LIPI: variants seen among roughly 807,000 people sequenced by gnomAD.
The protein encoded by LIPI is lipase member I.
Under a neutral mutation model 50.6 loss-of-function variants are expected in LIPI, and 59 were observed. The ratio of observed to expected loss-of-function variants is 1.16; its 90% CI spans 0.94 to 1.45. LIPI has a LOEUF of 1.45. Ranked by LOEUF, LIPI falls within the 40% of genes most tolerant of loss-of-function variation. The pLI is 0.00. For missense variants in LIPI, 586 were observed against 536.3 expected (o/e 1.09, Z -0.92); for synonymous variants, 203 against 178.2 (o/e 1.14, Z -1.11).
At chr21:14,125,747 A>G (rs938982601) in intron 9 of LIPI, among the ~76,000 whole-genome samples, 4 of 152,060 alleles carry the variant, frequency 2.6e-5, no homozygotes, top group African/African-American at 4.8e-5. Context: ...TTTAGTAGAG[A>G]CAGGTCTTCA....
intron 8 of LIPI, among the ~76,000 whole-genome samples, chr21:14,150,930 G>A (rs573807548): frequency 2.1e-4 from 32 of 152,244 alleles, no homozygotes; most frequent in Admixed American, 9.2e-4. Flanking sequence ...AGTTCTATAC[G>A]ACTGTTAAAT....
chr21:14,110,810 T>G (rs976128334), intron 9 of LIPI, among the ~76,000 whole-genome samples: 63 of 151,598 alleles, frequency 4.2e-4, no homozygotes, highest in African/African-American at 1.5e-3. Flanking sequence ...TGATGGGATT[T>G]CCTTCTTTAT....
intron 1 of LIPI, among the ~76,000 whole-genome samples, chr21:14,196,383 AAAG>A (rs1262158127): frequency 6.6e-6 from 1 of 152,182 alleles, no homozygotes; most frequent in Admixed American, 6.6e-5. Flanking sequence ...CTAGCGTCAT[AAAG>A]AAGGTCTGGG....
intron 9 of LIPI, among the ~76,000 whole-genome samples, chr21:14,110,529 G>T (rs61422874): frequency 6.6e-6 from 1 of 151,876 alleles, no homozygotes; most frequent in East Asian, 1.9e-4. Context: ...ATAATATTTT[G>T]TTATTAACTG....
At chr21:14,203,585 C>CA (rs1045659599) in intron 1 of LIPI, among the ~76,000 whole-genome samples, 193 of 151,906 alleles carry the variant, frequency 1.3e-3, no homozygotes, top group African/African-American at 4.4e-3. Flanking sequence ...ATCACAAGGA[C>CA]AAAAAACCAA....
chr21:14,152,519 T>C (rs1287916393), intron 8 of LIPI, 54 bp downstream of exon 8: 5 of 863,448 alleles, frequency 5.8e-6, no homozygotes, highest in African/African-American at 1.7e-5. Flanking sequence ...GATGGGATAC[T>C]GAAGAAAGCA....
intron 3 of LIPI, 132 bp downstream of exon 3, chr21:14,185,829 G>A (rs1032276207): frequency 3.2e-5 from 19 of 600,842 alleles, no homozygotes; most frequent in African/African-American, 2.6e-4. Context: ...GTTGCAGTGA[G>A]CCGAGATCGC....
In LIPI at chr21:14,173,152, G is replaced by A. The variant is rs548961632; in HGVS notation, c.644-6701C>T. 8.5e-5 allele frequency among the ~76,000 whole-genome samples: 13 copies of A among 152,310 alleles called. 1 individual carries two copies. The South Asian group carries it at 2.7e-3, about 32-fold the overall frequency. ...CGGTGACCCCAGTGGATATTTGTGC[G>A]AATACGCTCGGCGAAGAAGCCAGCG... On this transcript the variant is annotated intron_variant, in intron 4 of 9. Transcript: ENST00000681601.
chr21:14,203,341 C>A (rs1188205045), intron 1 of LIPI, among the ~76,000 whole-genome samples: 1 of 152,090 alleles, frequency 6.6e-6, no homozygotes, highest in Non-Finnish European at 1.5e-5. Context: ...TGGGTATATA[C>A]CCAAAGGATT....
At chr21:14,111,222 CT>C (rs2016399534) in intron 9 of LIPI, among the ~76,000 whole-genome samples, 1 of 151,922 alleles carries the variant, frequency 6.6e-6, no homozygotes, top group Non-Finnish European at 1.5e-5. Flanking sequence ...CAACCATTCC[CT>C]TTTTTCCATG....
intron 9 of LIPI, chr21:14,144,076 G>A (rs1418394056): frequency 6.5e-6 from 1 of 154,086 alleles, no homozygotes; most frequent in Admixed American, 6.5e-5. Flanking sequence ...CCTCACTCCT[G>A]TCAGCATATT....
chr21:14,196,842 A>AAC (rs2019880285), intron 1 of LIPI, among the ~76,000 whole-genome samples: 1 of 152,080 alleles, frequency 6.6e-6, no homozygotes, highest in Admixed American at 6.6e-5. Flanking sequence ...AACAACAAAA[A>AAC]ATAATCAAAG....
chr21:14,180,006 G>C (rs2019218183), intron 4 of LIPI, among the ~76,000 whole-genome samples: 1 of 152,138 alleles, frequency 6.6e-6, no homozygotes, highest in African/African-American at 2.4e-5. Context: ...TCTTTTCCTA[G>C]CGAGGAATAT....
chr21:14,197,413 T>C (rs995266141), intron 1 of LIPI, among the ~76,000 whole-genome samples: 1 of 152,066 alleles, frequency 6.6e-6, no homozygotes, highest in Non-Finnish European at 1.5e-5. Flanking sequence ...ATAGCCAGTA[T>C]AGAGGATAAT....
At chr21:14,163,369 G>T (rs751518722) in intron 7 of LIPI, 50 bp downstream of exon 7, 2 of 876,048 alleles carry the variant, frequency 2.3e-6, no homozygotes, top group Non-Finnish European at 1.9e-6. Flanking sequence ...GTAGATTAGT[G>T]CAAAAAAAAC....
At chr21:14,171,569 A>T (rs1057122203) in intron 4 of LIPI, among the ~76,000 whole-genome samples, 3 of 150,618 alleles carry the variant, frequency 2.0e-5, no homozygotes, top group Non-Finnish European at 4.4e-5. Flanking sequence ...CCGCATATCT[A>T]CAACTATCTG....
chr21:14,189,254 T>C lies in LIPI; in HGVS notation c.212A>G (p.Asn71Ser). 1.9e-6 allele frequency: 3 copies of C among 1,614,082 alleles called. No homozygotes were observed. The highest frequency in any genetic ancestry group is 2.5e-6 in the Non-Finnish European group (3 of 1,179,920). ...EQNNSLNVNF[N>S]TQKKTVWLIH... The stretch of plus-strand genomic sequence containing the variant: ...AAGCCAGACTGTTTTCTTTTGTGTG[T>C]TGAAATTAACATTAAGTGAGTTATT... Residue 71 changes from asparagine (N) to serine (S), a missense_variant, in exon 2 of 10, where the codon AAC becomes AGC. Transcript: ENST00000681601.
chr21:14,116,617 G>A (rs1231602383), intron 9 of LIPI, among the ~76,000 whole-genome samples: 1 of 152,156 alleles, frequency 6.6e-6, no homozygotes, highest in African/African-American at 2.4e-5. Context: ...AATGTAGGGT[G>A]GCCAGCTGAG....
intron 9 of LIPI, among the ~76,000 whole-genome samples, chr21:14,129,293 G>A (rs895298647): frequency 2.6e-5 from 4 of 151,954 alleles, no homozygotes; most frequent in African/African-American, 4.8e-5. Context: ...ACAGAATGGC[G>A]AGACAAATAT....
Sources: allele counts gnomAD v4.1 joint callset (sites outside exome capture counted in the v4.1 genomes callset), GRCh38; gene constraint gnomAD v4.1.1; transcripts MANE v1.5; gene names NCBI Gene and HGNC (gene_info 2026-07-23, HGNC 2026-07-21).